CHM: variants seen among roughly 807,000 people sequenced by gnomAD.
The protein encoded by CHM is rab proteins geranylgeranyltransferase component A 1.
A neutral mutation model predicts 49.0 loss-of-function variants in CHM; 10 were observed. The observed-to-expected ratio is 0.20, with a 90% CI of 0.13 to 0.35. CHM has a LOEUF of 0.35. Among genes scored for constraint, CHM ranks in the 10% least tolerant of loss-of-function variants. CHM has a pLI of 1.00. For synonymous variants in CHM, 184 were observed against 167.5 expected, an observed-to-expected ratio of 1.10 and a Z score of -0.76; for missense variants, 455 against 478.4, an observed-to-expected ratio of 0.95 and a Z score of 0.46.
chrX:85,956,613 G>T (rs1303970521), intron 7 of CHM, among the ~76,000 whole-genome samples: 4 of 110,752 alleles, frequency 3.6e-5, no homozygotes, highest in African/African-American at 1.3e-4. Flanking sequence ...GCATTTCATG[G>T]ATTTAAAAAA....
At chrX:85,953,468 A>C (rs1262368044) in intron 8 of CHM, among the ~76,000 whole-genome samples, 1 of 112,054 alleles carries the variant, frequency 8.9e-6, no homozygotes, top group East Asian at 2.8e-4. Flanking sequence ...AGCCAAAGCT[A>C]TCCTGAGCAA....
chrX:85,867,112 T>C (rs1274396781), intron 14 of CHM, among the ~76,000 whole-genome samples: 2 of 111,636 alleles, frequency 1.8e-5, no homozygotes, highest in African/African-American at 6.5e-5. Context: ...ATGGTTTGGC[T>C]CTATGTCCCT....
rs150779586 is a variant in CHM at position 86,022,929 on chromosome X, C to T, written c.116+4562G>A. Among the ~76,000 whole-genome samples, 88 of 111,440 alleles carry T rather than the reference C, an allele frequency of 7.9e-4. No homozygotes were observed. In the East Asian group the frequency reaches 0.023, roughly 29 times the overall value. ...CCACCATCCACCAAACGGCTCAAAC[C>T]AGAATCTTTGGTGTCATCTGTAATT... On this transcript the variant is annotated intron_variant, in intron 2 of 14. Transcript: ENST00000357749.
intron 2 of CHM, among the ~76,000 whole-genome samples, chrX:85,991,566 A>G (rs1932189942): frequency 9.0e-6 from 1 of 111,538 alleles, no homozygotes; most frequent in African/African-American, 3.3e-5. Context: ...CCCAAGAAAA[A>G]ACAATGCACA....
chrX:85,864,628 C>T lies in CHM; in HGVS notation c.*2G>A. 8.3e-7 allele frequency: 1 copy of T among 1,205,517 alleles called. No homozygotes were observed. The highest frequency in any genetic ancestry group is 1.1e-6 in the Non-Finnish European group (1 of 890,940). On this transcript the variant is annotated 3_prime_UTR_variant, in exon 15 of 15. Transcript: ENST00000357749. ...TTGGGTATCCAGTTTGGTGTATATC[C>T]ATTATTCAGAGGACTCCTCTAGGTT...
At chrX:85,935,509 G>A (rs1928730159) in intron 8 of CHM, among the ~76,000 whole-genome samples, 1 of 111,834 alleles carries the variant, frequency 8.9e-6, no homozygotes, top group South Asian at 3.8e-4. Flanking sequence ...CCTATGACAT[G>A]CCTAGGCTAT....
At chrX:85,927,084 C>T (rs1171944225) in intron 8 of CHM, among the ~76,000 whole-genome samples, 1 of 111,572 alleles carries the variant, frequency 9.0e-6, no homozygotes, top group Non-Finnish European at 1.9e-5. Context: ...GACAATTTTC[C>T]TCACTTGTAA....
chrX:85,906,268 T>C (rs1466190380), intron 9 of CHM, among the ~76,000 whole-genome samples: 2 of 112,065 alleles, frequency 1.8e-5, no homozygotes, highest in African/African-American at 6.5e-5. Flanking sequence ...GCAAATTTAA[T>C]CTTGTTACCT....
rs1603269749 is a variant in CHM, at chrX:85,981,634, C to T, written c.189+103G>A. ...AAATAAGTGAATAAAAATAAAGAAT[C>T]AATCCTGTGTTACAGGTGAAGCTTA... is the stretch of plus-strand genomic sequence containing the variant. On this transcript the variant is annotated intron_variant, in intron 3 of 14. Coordinates refer to ENST00000357749, the MANE Select transcript of CHM (RefSeq NM_000390.4). 4 of 555,567 alleles carry T rather than the reference C, an allele frequency of 7.2e-6. No individual in the cohort carries two copies. The East Asian group carries it at 1.5e-4, about 21-fold the overall frequency. 45.8% of individuals were successfully genotyped at this position (555,567 alleles called of 1,213,427 possible). A position where few individuals can be genotyped will look rare whatever the true frequency, so the allele number is the denominator to read the frequency against.
chrX:85,959,245 G>A (rs547850176), intron 5 of CHM, among the ~76,000 whole-genome samples: 1 of 111,818 alleles, frequency 8.9e-6, no homozygotes, highest in South Asian at 3.7e-4. Context: ...GGCTTTGTTT[G>A]TCCAAATTAA....
intron 2 of CHM, among the ~76,000 whole-genome samples, chrX:86,020,708 A>G (rs890826422): frequency 1.1e-3 from 113 of 105,089 alleles, no homozygotes; most frequent in Admixed American, 4.7e-3. Flanking sequence ...TACATCTGAT[A>G]TATATCTCCG....
chrX:86,041,908 G>T (rs764619771), intron 1 of CHM, among the ~76,000 whole-genome samples: 11 of 109,489 alleles, frequency 1.0e-4, no homozygotes, highest in Non-Finnish European at 2.1e-4. Context: ...TAGATGTGAA[G>T]ATTTTGGAAG....
chrX:85,951,676 T>C (rs1929753982), intron 8 of CHM, among the ~76,000 whole-genome samples: 1 of 111,973 alleles, frequency 8.9e-6, no homozygotes, highest in Admixed American at 9.5e-5. Flanking sequence ...GATGGTCAAA[T>C]AGATGCCTCT....
intron 8 of CHM, among the ~76,000 whole-genome samples, chrX:85,920,100 T>G (rs757208667): frequency 3.6e-5 from 4 of 109,828 alleles, no homozygotes; most frequent in African/African-American, 1.3e-4. Flanking sequence ...ATTTTTATTT[T>G]TATTTTTTTT....
At chrX:85,874,335 T>C (rs375781107) in intron 13 of CHM, among the ~76,000 whole-genome samples, 51 of 111,753 alleles carry the variant, frequency 4.6e-4, no homozygotes, top group South Asian at 2.6e-3. Context: ...TTAGCCTGAA[T>C]CTGAACAAAA....
intron 13 of CHM, among the ~76,000 whole-genome samples, chrX:85,876,005 T>C (rs1395275128): frequency 8.9e-6 from 1 of 111,819 alleles, no homozygotes; most frequent in African/African-American, 3.2e-5. Context: ...CCAGAATATG[T>C]AAAGAACTCC....
chrX:86,010,967 A>C (rs947115420), intron 2 of CHM, among the ~76,000 whole-genome samples: 2 of 111,673 alleles, frequency 1.8e-5, no homozygotes, highest in African/African-American at 6.5e-5. Context: ...TCTACAGATG[A>C]TCAGCAAGGG....
intron 2 of CHM, among the ~76,000 whole-genome samples, chrX:86,019,353 G>A (rs1209967875): frequency 5.4e-5 from 6 of 111,261 alleles, no homozygotes; most frequent in Non-Finnish European, 1.9e-5. Context: ...ATTATATTAA[G>A]CAAAAAAGAA....
chrX:86,020,945 T>A (rs1329082602), intron 2 of CHM, among the ~76,000 whole-genome samples: 2 of 97,292 alleles, frequency 2.1e-5, no homozygotes, highest in Non-Finnish European at 4.0e-5. Context: ...GAGATATATA[T>A]CATTATCTAT....
Sources: gnomAD v4.1 joint callset for allele counts (sites outside exome capture counted in the v4.1 genomes callset) on GRCh38, gnomAD v4.1.1 for gene constraint, MANE v1.5 for transcripts, NCBI Gene and HGNC (gene_info 2026-07-23, HGNC 2026-07-21) for gene names.